Variants in F13B observed in about 807,000 individuals in gnomAD.
F13B encodes coagulation factor XIII B chain.
F13B carries 58 observed loss-of-function variants against 79.8 expected under a neutral mutation model. That is an observed-to-expected ratio of 0.73 (90% CI 0.59 to 0.90). The LOEUF is 0.90. Among genes scored for constraint, F13B ranks in the 40% least tolerant of loss-of-function variants. The probability of loss-of-function intolerance (pLI) is 0.00; values close to 1 mark genes in which losing one functional copy is unlikely to be tolerated. For missense variants in F13B, 773 were observed against 777.0 expected (o/e 0.99, Z 0.06); for synonymous variants, 283 against 260.3 (o/e 1.09, Z -0.84).
intron 11 of F13B, 82 bp downstream of exon 11, chr1:197,040,440 G>T: frequency 3.2e-6 from 3 of 929,984 alleles, no homozygotes; most frequent in South Asian, 2.7e-5. Flanking sequence ...AGTATGAGTG[G>T]TATAGAACAT....
chr1:197,048,500 A>G (rs1374949981), intron 10 of F13B, among the ~76,000 whole-genome samples: 2 of 149,984 alleles, frequency 1.3e-5, no homozygotes, highest in Non-Finnish European at 3.0e-5. Context: ...ACCTCAAGGC[A>G]AAAAAAAAGG....
chr1:197,057,147 G>A lies in F13B; in HGVS notation c.1037C>T (p.Ala346Val). Residue 346 changes from alanine to valine, a missense_variant, in exon 7 of 12, where the codon GCA becomes GTA. By Grantham distance (64) the Ala-to-Val change is moderately conservative. Transcript: ENST00000367412. ...ATAAATCTTAGAGTGTAAATTTGCT[G>A]CACCATTTTCAATGAAGGGTGGTTC... ...CEEPPFIENGAANLHSKIYYN... is the reference protein window; with the variant it reads ...CEEPPFIENGVANLHSKIYYN... The A allele has an allele frequency of 6.2e-7, 1 of 1,613,874 alleles. No individual in the cohort carries two copies. Among genetic ancestry groups the A allele is most frequent in the Non-Finnish European group, 8.5e-7 (1 of 1,179,912 alleles).
chr1:197,039,748 C>A (rs1287067215), intron 11 of F13B, among the ~76,000 whole-genome samples: 1 of 151,894 alleles, frequency 6.6e-6, no homozygotes, highest in Non-Finnish European at 1.5e-5. Flanking sequence ...AAATTTTTCC[C>A]ACTATTGTGT....
chr1:197,047,124 C>G (rs146988030), intron 10 of F13B, among the ~76,000 whole-genome samples: 1 of 152,014 alleles, frequency 6.6e-6, no homozygotes, highest in East Asian at 1.9e-4. Context: ...ACTAAAACAC[C>G]AAAAGTAATG....
chr1:197,063,143 T>C (rs1571571239), intron 1 of F13B, 86 bp from the exon 2 acceptor site: 1 of 1,195,022 alleles, frequency 8.4e-7, no homozygotes, highest in Non-Finnish European at 1.2e-6. Flanking sequence ...AAACTAAAAG[T>C]TTTTAGAGAC....
At chr1:197,063,783 C>A (rs975579308) in intron 1 of F13B, among the ~76,000 whole-genome samples, 7 of 151,280 alleles carry the variant, frequency 4.6e-5, no homozygotes, top group Admixed American at 1.3e-4. Flanking sequence ...TTTTTTCTAA[C>A]TCTTTAAAAT....
Position 197,052,890 on chromosome 1 carries a change from A to G in F13B, c.1355-56T>C. 2.1e-6 allele frequency: 3 copies of G among 1,421,282 alleles called. No homozygotes were observed. In the South Asian group the frequency reaches 3.7e-5, roughly 18 times the overall value. The allele number at this position is 1,421,282 out of a possible 1,614,324, so 88.0% of individuals were successfully genotyped here. A position where few individuals can be genotyped will look rare whatever the true frequency, so the allele number is the denominator to read the frequency against. On this transcript the variant is annotated intron_variant, in intron 8 of 11. Transcript: ENST00000367412. The stretch of plus-strand genomic sequence containing the variant: ...TACTTGTCTGACAAATATAAAAGTG[A>G]TATTTTTTAAAACAAAAATTATGAC...
intron 11 of F13B, chr1:197,040,247 T>G (rs1418389383): frequency 2.6e-6 from 1 of 385,250 alleles, no homozygotes; most frequent in Non-Finnish European, 4.7e-6. Context: ...CACATTGAAA[T>G]ATTGCACGTA....
intron 10 of F13B, among the ~76,000 whole-genome samples, chr1:197,042,122 GA>G (rs1220459993): frequency 1.3e-5 from 2 of 152,146 alleles, no homozygotes; most frequent in Non-Finnish European, 2.9e-5. Flanking sequence ...TGAAACCACA[GA>G]AAGTGAAACC....
intron 10 of F13B, among the ~76,000 whole-genome samples, chr1:197,041,967 C>G (rs1655052421): frequency 6.6e-6 from 1 of 152,104 alleles, no homozygotes; most frequent in South Asian, 2.1e-4. Context: ...CACTTTACAG[C>G]TTCTTTTTAG....
chr1:197,051,511 C>G (rs944961340), intron 9 of F13B, among the ~76,000 whole-genome samples: 6 of 152,076 alleles, frequency 3.9e-5, no homozygotes, highest in Non-Finnish European at 8.8e-5. Flanking sequence ...CTAAGTAGAG[C>G]AATGCTTTAC....
chr1:197,051,439 C>T lies in F13B; in HGVS notation c.1556-560G>A, dbSNP rs1655434751. On this transcript the variant is annotated intron_variant, in intron 9 of 11. Coordinates refer to ENST00000367412, the MANE Select transcript of F13B (RefSeq NM_001994.3). Reference sequence around the variant, plus strand: ...TGTATATATTATTTTCCTTTTCTTCCTTATTAAAAGTAATAGTCCCTATAG... The same window carrying T: ...TGTATATATTATTTTCCTTTTCTTCTTTATTAAAAGTAATAGTCCCTATAG... Among the ~76,000 whole-genome samples, 2 of 151,952 alleles carry T rather than the reference C, an allele frequency of 1.3e-5. 1 individual carries two copies. Among genetic ancestry groups the T allele is most frequent in the South Asian group, 4.1e-4 (2 of 4,828 alleles).
intron 10 of F13B, among the ~76,000 whole-genome samples, chr1:197,046,949 C>T (rs1249015122): frequency 6.6e-6 from 1 of 152,138 alleles, no homozygotes; most frequent in Admixed American, 6.6e-5. Context: ...GGAAAACTGG[C>T]TAGCCATATG....
intron 10 of F13B, among the ~76,000 whole-genome samples, chr1:197,046,532 A>C (rs1655237710): frequency 6.6e-6 from 1 of 152,218 alleles, no homozygotes. Context: ...AAATGGAAGA[A>C]CATTCCATGC....
At position 197,063,020 on chromosome 1, in the gene F13B, T is replaced by C; in HGVS notation, c.102A>G (p.Arg34=). The part of the protein sequence containing the change: ...PCGFPHVENG[R]IAQYYYTFKS... ...TAAAAGTATAGTAATATTGGGCAAT[T>C]CTTCCATTTTCCACATGAGGAAAAC... Residue 34 remains arginine (R), a synonymous_variant, in exon 2 of 12, where the codon AGA becomes AGG. Coordinates refer to ENST00000367412, the MANE Select transcript of F13B (RefSeq NM_001994.3). The C allele has an allele frequency of 6.2e-7, 1 of 1,612,846 alleles. No homozygotes were observed. Among genetic ancestry groups the C allele is most frequent in the Middle Eastern group, 1.9e-4 (1 of 5,404 alleles).
At chr1:197,057,568 A>G (rs773297216) in intron 5 of F13B, 103 bp from the exon 6 acceptor site, 15 of 1,228,382 alleles carry the variant, frequency 1.2e-5, no homozygotes, top group Non-Finnish European at 1.6e-5. Context: ...AGAGAATGGC[A>G]GACTGATTCT....
chr1:197,038,928 A>G lies in F13B; in HGVS notation c.*450T>C, dbSNP rs1220028736. Among the ~76,000 whole-genome samples the G allele has an allele frequency of 3.3e-5, 5 of 152,064 alleles. No homozygotes were observed. Among genetic ancestry groups the G allele is most frequent in the Non-Finnish European group, 7.4e-5 (5 of 67,994 alleles). On this transcript the variant is annotated 3_prime_UTR_variant, in exon 12 of 12. Coordinates refer to ENST00000367412, the MANE Select transcript of F13B (RefSeq NM_001994.3). ...GTCTCTTCTGCCTTTAATAAGGCAG[A>G]TCCTCTAATACAGCATATAGTTTCT...
chr1:197,052,768 C>T lies in F13B; in HGVS notation c.1421G>A (p.Gly474Glu). Residue 474 changes from glycine to glutamate, a missense_variant, in exon 9 of 12, where the codon GGG becomes GAG. Transcript: ENST00000367412. ...TATTAAATCTCCATGTAAGACTTTC[C>T]CTTCATATTTCCACTTCATTTCTAT... is the stretch of plus-strand genomic sequence containing the variant. ...NNIEMKWKYE[G>E]KVLHGDLIDF... The T allele has an allele frequency of 6.2e-7, 1 of 1,610,756 alleles. No individual in the cohort carries two copies. The highest frequency in any genetic ancestry group is 8.5e-7 in the Non-Finnish European group (1 of 1,178,420).
chr1:197,040,610 G>C lies in F13B; in HGVS notation c.1864C>G (p.Pro622Ala), dbSNP rs758301404. Residue 622 changes from proline to alanine, a missense_variant, in exon 11 of 12, where the codon CCA becomes GCA. By Grantham distance (27) the Pro-to-Ala change is conservative. Coordinates refer to ENST00000367412, the MANE Select transcript of F13B (RefSeq NM_001994.3). The stretch of plus-strand genomic sequence containing the variant: ...GATCCAGTAATATATAATTCAGCTG[G>C]ATAAGTATCTCCTCTACAAATAAAC... The part of the protein sequence containing the change: ...IEFICRGDTY[P>A]AELYITGSIL... 6.2e-7 allele frequency: 1 copy of C among 1,612,824 alleles called. No homozygotes were observed. The highest frequency in any genetic ancestry group is 1.1e-5 in the South Asian group (1 of 91,032).
Sources: allele counts gnomAD v4.1 joint callset (sites outside exome capture counted in the v4.1 genomes callset), GRCh38; gene constraint gnomAD v4.1.1; transcripts MANE v1.5; gene names NCBI Gene and HGNC (gene_info 2026-07-23, HGNC 2026-07-21).